Variants in SULT1C4 observed in about 807,000 individuals in gnomAD.
The protein encoded by SULT1C4 is sulfotransferase 1C4.
In SULT1C4, 32 loss-of-function variants were observed where a neutral mutation model predicts 34.8. That is an observed-to-expected ratio of 0.92 (90% CI 0.69 to 1.23). The LOEUF (loss-of-function observed/expected upper bound fraction) is 1.23. Ranked by LOEUF, SULT1C4 falls within the 50% of genes most tolerant of loss-of-function variation. The pLI is 0.00. For missense variants in SULT1C4, 375 were observed against 365.9 expected, an observed-to-expected ratio of 1.02 and a Z score of -0.20; for synonymous variants, 111 against 120.5, an observed-to-expected ratio of 0.92 and a Z score of 0.51.
rs1414778388 is a variant in SULT1C4 at position 108,383,454 on chromosome 2, T to C, written c.559T>C (p.Trp187Arg). 5 of 1,614,148 alleles carry C rather than the reference T, an allele frequency of 3.1e-6. No individual in the cohort carries two copies. In the South Asian group the frequency reaches 5.5e-5, roughly 18 times the overall value. ...CTGGCATGAACATGTGAAAGGATGG[T>C]GGGAAGCCAAAGACAAACACCGTAT... Reference protein sequence around the residue: ...GSWHEHVKGWWEAKDKHRILY... With the variant: ...GSWHEHVKGWREAKDKHRILY... Residue 187 changes from tryptophan (W) to arginine (R), a missense_variant, in exon 5 of 7, where the codon TGG becomes CGG. Transcript: ENST00000272452.
At chr2:108,386,081 T>C (rs1573299021) in intron 5 of SULT1C4, 111 bp from the exon 6 acceptor site, 1 of 883,194 alleles carries the variant, frequency 1.1e-6, no homozygotes. Flanking sequence ...TTAAGATTTG[T>C]TTTTTATTTT....
At chr2:108,381,650 A>C in intron 1 of SULT1C4, 112 bp from the exon 2 acceptor site, 1 of 1,215,586 alleles carries the variant, frequency 8.2e-7, no homozygotes, top group Non-Finnish European at 1.1e-6. Flanking sequence ...TCAAAAAACA[A>C]AACAAAACAA....
Position 108,378,297 on chromosome 2 carries a change from A to G in SULT1C4, c.-41A>G, listed in dbSNP as rs958887553. ...CAACGCAGCCATATGCTGACTGAAG[A>G]TAACTTTGTGTCTGGAAGAGCCCTC... is the stretch of plus-strand genomic sequence containing the variant. On this transcript the variant is annotated 5_prime_UTR_variant, in exon 1 of 7. Transcript: ENST00000272452. 3 of 1,589,724 alleles carry G rather than the reference A, an allele frequency of 1.9e-6. No individual in the cohort carries two copies. In the African/African-American group the frequency reaches 4.0e-5, roughly 21 times the overall value.
intron 1 of SULT1C4, among the ~76,000 whole-genome samples, chr2:108,381,050 T>C (rs1195037234): frequency 6.6e-6 from 1 of 152,164 alleles, no homozygotes. Context: ...CAACAAATAC[T>C]AAGTGTCTCC....
In SULT1C4 at chr2:108,388,401, C is replaced by A. The variant is rs41442346; in HGVS notation, c.*969C>A. On this transcript the variant is annotated 3_prime_UTR_variant, in exon 7 of 7. Transcript: ENST00000272452. ...CAGAAAATCTGTCAGTTTTAATCTA[C>A]GAAATCTCTTAAAATATTTCCGTCT... 0.06 allele frequency among the ~76,000 whole-genome samples: 9,199 copies of A among 152,198 alleles called. 767 individuals carry two copies. The highest frequency in any genetic ancestry group is 0.19 in the African/African-American group (7,781 of 41,496).
chr2:108,382,021 G>A (rs771830382), intron 2 of SULT1C4, 134 bp downstream of exon 2: 2 of 1,032,290 alleles, frequency 1.9e-6, no homozygotes, highest in African/African-American at 1.7e-5. Context: ...TTTTAACTGT[G>A]TCTGGCCATT....
At chr2:108,381,910 C>T (rs747885916) in intron 2 of SULT1C4, 23 bp downstream of exon 2, 93 of 1,458,218 alleles carry the variant, frequency 6.4e-5, no homozygotes, top group Middle Eastern at 5.5e-4. Flanking sequence ...AGCCACACTT[C>T]ACTACAGTCC....
chr2:108,382,818 GCT>G, intron 3 of SULT1C4: 1 of 343,590 alleles, frequency 2.9e-6, no homozygotes, highest in Non-Finnish European at 5.2e-6. Flanking sequence ...CAGGAGACTC[GCT>G]TGAACACAGG....
In SULT1C4 at chr2:108,383,486, T is replaced by A; in HGVS notation, c.591T>A (p.Tyr197Ter). The change falls in exon 5 of 7, where the codon TAT becomes TAA. Residue 197 changes from tyrosine (Y) to a stop codon, truncating the protein, a stop_gained. Transcript: ENST00000272452. LOFTEE classifies it high-confidence loss of function. ...WEAKDKHRIL[Y>*]LFYEDMKKNP... is the part of the protein sequence containing the mutation. ...CCAAAGACAAACACCGTATTCTCTATCTCTTCTATGAGGACATGAAGAAGG... is the reference window on the plus strand; with the variant it reads ...CCAAAGACAAACACCGTATTCTCTAACTCTTCTATGAGGACATGAAGAAGG... The A allele has an allele frequency of 6.2e-7, 1 of 1,614,160 alleles. No individual in the cohort carries two copies. Among genetic ancestry groups the A allele is most frequent in the South Asian group, 1.1e-5 (1 of 91,068 alleles).
At position 108,388,349 on chromosome 2, in the gene SULT1C4, T is replaced by C. The variant is rs1432737163; in HGVS notation, c.*917T>C. ...GTCACCTCTTGACTCATCTTTCCCATTGCCACCACAATCCATTCTAATATG... is the reference window on the plus strand; with the variant it reads ...GTCACCTCTTGACTCATCTTTCCCACTGCCACCACAATCCATTCTAATATG... On this transcript the variant is annotated 3_prime_UTR_variant, in exon 7 of 7. Transcript: ENST00000272452. 1.3e-5 allele frequency among the ~76,000 whole-genome samples: 2 copies of C among 149,628 alleles called. No individual in the cohort carries two copies. The highest frequency in any genetic ancestry group is 2.9e-5 in the Non-Finnish European group (2 of 67,910).
Position 108,382,432 on chromosome 2 carries a change from C to G in SULT1C4, c.343C>G (p.His115Asp), listed in dbSNP as rs765115421. Residue 115 changes from histidine to aspartate, a missense_variant, in exon 3 of 7, where the codon CAT becomes GAT. Physicochemically the swap from His to Asp is moderately conservative, Grantham distance 81. Coordinates refer to ENST00000272452, the MANE Select transcript of SULT1C4 (RefSeq NM_006588.4). ...AMPSPRILKT[H>D]LPFHLLPPSL... ...GCCCTCACCACGGATCCTGAAAACA[C>G]ATCTTCCCTTTCACTTGCTGCCACC... The G allele has an allele frequency of 6.2e-7, 1 of 1,614,062 alleles. No homozygotes were observed.
chr2:108,382,276 T>C (rs1276620315), intron 2 of SULT1C4, 109 bp from the exon 3 acceptor site: 8 of 872,424 alleles, frequency 9.2e-6, no homozygotes, highest in South Asian at 1.5e-5. Flanking sequence ...ACAGTTACAA[T>C]GTTCTTATAG....
chr2:108,382,870 TCC>T, intron 3 of SULT1C4: 1 of 326,228 alleles, frequency 3.1e-6, no homozygotes, highest in Non-Finnish European at 4.9e-6. Flanking sequence ...GCCATTGCAC[TCC>T]AGCCTGGGTG....
intron 5 of SULT1C4, among the ~76,000 whole-genome samples, chr2:108,384,233 TTTTA>T (rs1245224708): frequency 2.2e-5 from 3 of 139,416 alleles, no homozygotes; most frequent in Non-Finnish European, 1.5e-5. Flanking sequence ...TATTTATTTA[TTTTA>T]TTTATTTTTT....
Position 108,378,401 on chromosome 2 carries a change from GT to G in SULT1C4, c.65del (p.Val22GlyfsTer43). The G allele has an allele frequency of 6.2e-7, 1 of 1,614,190 alleles. No individual in the cohort carries two copies. The highest frequency in any genetic ancestry group is 8.5e-7 in the Non-Finnish European group (1 of 1,180,034). ...AACAAAGCGCTTAAGTGTCAACTAC[GT>G]GAAGGGAATTCTTCAACCGACAGAC... ...DGTKRLSVNY[V>X]KGILQPTDTC... is the part of the protein sequence containing the mutation. On this transcript the variant is annotated frameshift_variant, in exon 1 of 7. Coordinates refer to ENST00000272452, the MANE Select transcript of SULT1C4 (RefSeq NM_006588.4). LOFTEE classifies it high-confidence loss of function.
intron 6 of SULT1C4, 109 bp from the exon 7 acceptor site, chr2:108,387,211 C>A: frequency 1.3e-6 from 1 of 797,238 alleles, no homozygotes; most frequent in Non-Finnish European, 2.0e-6. Context: ...TTGTCCAATA[C>A]TGCCCTTCCT....
intron 1 of SULT1C4, among the ~76,000 whole-genome samples, chr2:108,379,776 A>T (rs145885429): frequency 1.2e-3 from 185 of 152,348 alleles, no homozygotes; most frequent in Non-Finnish European, 2.1e-3. Context: ...TTAAAAGAAT[A>T]ATACTCTGAA....
At chr2:108,379,704 G>T (rs560230342) in intron 1 of SULT1C4, among the ~76,000 whole-genome samples, 2 of 152,040 alleles carry the variant, frequency 1.3e-5, no homozygotes, top group South Asian at 4.1e-4. Flanking sequence ...ATTAATGAAG[G>T]CTATTTTATT....
intron 5 of SULT1C4, among the ~76,000 whole-genome samples, chr2:108,384,795 C>G (rs1334772341): frequency 2.6e-5 from 4 of 152,144 alleles, no homozygotes; most frequent in African/African-American, 9.7e-5. Flanking sequence ...GAGATCTATA[C>G]AGAATTACAG....
Sources: gnomAD v4.1 joint callset for allele counts (sites outside exome capture counted in the v4.1 genomes callset) on GRCh38, gnomAD v4.1.1 for gene constraint, MANE v1.5 for transcripts, NCBI Gene and HGNC (gene_info 2026-07-23, HGNC 2026-07-21) for gene names.